Variants in ZNF827 observed in about 807,000 individuals in gnomAD.
ZNF827 encodes the protein zinc finger protein 827.
ZNF827 carries 13 observed loss-of-function variants against 102.4 expected under a neutral mutation model. The observed-to-expected ratio is 0.13, with a 90% CI of 0.08 to 0.20. The LOEUF is 0.20. Ranked by LOEUF, ZNF827 falls within the 10% of genes least tolerant of loss-of-function variation. ZNF827 has a pLI of 1.00. For synonymous variants in ZNF827, 523 were observed against 536.2 expected (o/e 0.98, Z 0.34); for missense variants, 1,103 against 1,344.4 (o/e 0.82, Z 2.81).
intron 2 of ZNF827, among the ~76,000 whole-genome samples, chr4:145,893,005 G>A (rs1169796836): frequency 6.6e-6 from 1 of 152,228 alleles, no homozygotes; most frequent in Non-Finnish European, 1.5e-5. Flanking sequence ...AGATGCTGCT[G>A]CCAATTTAGC....
chr4:145,803,672 T>C (rs1441805252), intron 8 of ZNF827, among the ~76,000 whole-genome samples: 1 of 152,208 alleles, frequency 6.6e-6, no homozygotes, highest in Non-Finnish European at 1.5e-5. Flanking sequence ...GATCAAAGGA[T>C]TCCTTATAAA....
In ZNF827 at chr4:145,767,329, T is replaced by C. The variant is rs537820611; in HGVS notation, c.2861-1591A>G. Among the ~76,000 whole-genome samples the C allele has an allele frequency of 2.0e-5, 3 of 152,250 alleles. No homozygotes were observed. The South Asian group carries it at 6.2e-4, about 32-fold the overall frequency. On this transcript the variant is annotated intron_variant, in intron 11 of 14. Coordinates refer to ENST00000508784, the MANE Select transcript of ZNF827 (RefSeq NM_001306215.2). ...ACCTGAAGATAATAGCTATAGAAAC[T>C]ATCTGAAATGAAACAGAAAGGAATC...
At chr4:145,818,702 A>C (rs56792104) in intron 8 of ZNF827, among the ~76,000 whole-genome samples, 1,907 of 152,326 alleles carry the variant, frequency 0.013, 51 homozygotes, top group African/African-American at 0.042. Flanking sequence ...GGGAAGTCTT[A>C]ACACAAAGGA....
At chr4:145,899,952 A>C (rs372714011) in intron 2 of ZNF827, among the ~76,000 whole-genome samples, 2 of 152,232 alleles carry the variant, frequency 1.3e-5, no homozygotes, top group African/African-American at 4.8e-5. Flanking sequence ...GCAAAGTAAG[A>C]AACGATTTCT....
At position 145,827,483 on chromosome 4, in the gene ZNF827, G is replaced by A. The variant is rs537908780; in HGVS notation, c.2280-3958C>T. Among the ~76,000 whole-genome samples the A allele has an allele frequency of 2.0e-5, 3 of 152,316 alleles. No homozygotes were observed. In the East Asian group the frequency reaches 5.8e-4, roughly 29 times the overall value. On this transcript the variant is annotated intron_variant, in intron 7 of 14. Transcript: ENST00000508784. ...AAAACTTGTACCACTCATGGGCCTG[G>A]TCAATTTGCAACTCTAAACATTCGC... is the stretch of plus-strand genomic sequence containing the variant.
chr4:145,812,057 G>C (rs1021258551), intron 8 of ZNF827, among the ~76,000 whole-genome samples: 13 of 151,918 alleles, frequency 8.6e-5, no homozygotes, highest in African/African-American at 3.1e-4. Context: ...TGGGACTACA[G>C]GTGTGTGCCA....
intron 8 of ZNF827, among the ~76,000 whole-genome samples, chr4:145,803,358 T>G (rs1359413396): frequency 6.6e-6 from 1 of 152,140 alleles, no homozygotes; most frequent in African/African-American, 2.4e-5. Flanking sequence ...AGAGATCTCT[T>G]TAATCCCATT....
chr4:145,936,802 C>T (rs1285495080), intron 1 of ZNF827, among the ~76,000 whole-genome samples: 1 of 152,206 alleles, frequency 6.6e-6, no homozygotes, highest in Non-Finnish European at 1.5e-5. Flanking sequence ...TGACCGACCA[C>T]GTCGGCCTGA....
chr4:145,879,201 T>A (rs762868733), intron 4 of ZNF827, among the ~76,000 whole-genome samples: 2 of 152,190 alleles, frequency 1.3e-5, no homozygotes, highest in African/African-American at 2.4e-5. Context: ...CCTTGCTCTG[T>A]CCTTTGCAGC....
chr4:145,886,342 T>C (rs968626765), intron 3 of ZNF827, among the ~76,000 whole-genome samples, 184 bp from the exon 4 acceptor site: 4 of 152,168 alleles, frequency 2.6e-5, no homozygotes, highest in East Asian at 1.9e-4. Flanking sequence ...TGGGTCCACA[T>C]AGGTTAAGAG....
At chr4:145,778,879 G>C (rs1372034656) in intron 9 of ZNF827, among the ~76,000 whole-genome samples, 1 of 152,036 alleles carries the variant, frequency 6.6e-6, no homozygotes, top group Non-Finnish European at 1.5e-5. Context: ...TTTGCTGTGT[G>C]GACTAAGTTA....
chr4:145,811,767 A>G (rs575803635), intron 8 of ZNF827, among the ~76,000 whole-genome samples: 11 of 152,352 alleles, frequency 7.2e-5, no homozygotes, highest in Admixed American at 7.2e-4. Flanking sequence ...AGAGACTCCA[A>G]TGTGAACTTT....
At chr4:145,816,737 C>G (rs1742629481) in intron 8 of ZNF827, among the ~76,000 whole-genome samples, 1 of 152,192 alleles carries the variant, frequency 6.6e-6, no homozygotes, top group East Asian at 1.9e-4. Flanking sequence ...CTCTAGTAAA[C>G]AGCTGCACAG....
At chr4:145,788,856 G>A (rs1017703082) in intron 8 of ZNF827, among the ~76,000 whole-genome samples, 2 of 152,184 alleles carry the variant, frequency 1.3e-5, no homozygotes, top group Non-Finnish European at 2.9e-5. Context: ...TGAAAATCAT[G>A]TCTTTTTTGT....
chr4:145,922,781 G>A (rs947340801), intron 1 of ZNF827, among the ~76,000 whole-genome samples: 8 of 152,090 alleles, frequency 5.3e-5, no homozygotes, highest in African/African-American at 1.2e-4. Context: ...TTCAAGTATC[G>A]GTATTTGGCA....
At chr4:145,815,405 A>G (rs567365694) in intron 8 of ZNF827, among the ~76,000 whole-genome samples, 1 of 152,346 alleles carries the variant, frequency 6.6e-6, no homozygotes, top group South Asian at 2.1e-4. Flanking sequence ...AAAATGAAAA[A>G]TGAAGTCCTG....
chr4:145,908,403 C>T lies in ZNF827; in HGVS notation c.44-5188G>A, dbSNP rs1417107974. On this transcript the variant is annotated intron_variant, in intron 1 of 14. Coordinates refer to ENST00000508784, the MANE Select transcript of ZNF827 (RefSeq NM_001306215.2). Reference sequence around the variant, plus strand: ...TCTCTAACAATCAGTGTCTCCAACACTCTCTTCTTGTGACCACAGGTATGT... The same window carrying T: ...TCTCTAACAATCAGTGTCTCCAACATTCTCTTCTTGTGACCACAGGTATGT... Among the ~76,000 whole-genome samples, 5 of 152,334 alleles carry T rather than the reference C, an allele frequency of 3.3e-5. No individual in the cohort carries two copies. In the East Asian group the frequency reaches 7.7e-4, roughly 23 times the overall value.
At chr4:145,837,468 C>T (rs1471124992) in intron 7 of ZNF827, among the ~76,000 whole-genome samples, 1 of 141,414 alleles carries the variant, frequency 7.1e-6, no homozygotes, top group East Asian at 2.0e-4. Flanking sequence ...TTAGACTGTG[C>T]CCCCCACCAA....
chr4:145,813,557 C>T (rs1160928748), intron 8 of ZNF827, among the ~76,000 whole-genome samples: 1 of 152,134 alleles, frequency 6.6e-6, no homozygotes, highest in East Asian at 1.9e-4. Flanking sequence ...GTGAGCACCG[C>T]ATTAGGTAGA....
Sources: allele counts gnomAD v4.1 joint callset (sites outside exome capture counted in the v4.1 genomes callset), GRCh38; gene constraint gnomAD v4.1.1; transcripts MANE v1.5; gene names NCBI Gene and HGNC (gene_info 2026-07-23, HGNC 2026-07-21).